WDPCP: variants seen among roughly 807,000 people sequenced by gnomAD.
WDPCP encodes the protein WD repeat-containing and planar cell polarity effector protein fritz homolog.
In WDPCP, 71 loss-of-function variants were observed where a neutral mutation model predicts 93.1. The observed-to-expected ratio is 0.76, with a 90% CI of 0.63 to 0.93. The LOEUF (loss-of-function observed/expected upper bound fraction) is 0.93. WDPCP is among the 40% of genes least tolerant of loss of function. The pLI, the probability that WDPCP is intolerant of heterozygous loss-of-function variation, is 0.00. For synonymous variants in WDPCP, 315 were observed against 315.0 expected, an observed-to-expected ratio of 1.00 and a Z score of 0.00; for missense variants, 844 against 887.4, an observed-to-expected ratio of 0.95 and a Z score of 0.62.
intron 2 of WDPCP, among the ~76,000 whole-genome samples, chr2:63,721,699 G>GCTCCCCCTGCCCCTCCCC (rs1404583047): frequency 8.5e-6 from 1 of 117,700 alleles, no homozygotes; most frequent in East Asian, 2.5e-4. Flanking sequence ...CTGCCCTCCC[G>GCTCCCCCTGCCCCTCCCC]CTCCCCCTGC....
intron 12 of WDPCP, among the ~76,000 whole-genome samples, chr2:63,329,738 C>A (rs568019767): frequency 1.3e-5 from 2 of 152,222 alleles, no homozygotes; most frequent in Admixed American, 6.5e-5. Flanking sequence ...AACATCTCTT[C>A]TTTTCCAGAA....
At chr2:63,627,629 G>A (rs1448981742) in intron 3 of WDPCP, among the ~76,000 whole-genome samples, 1 of 152,204 alleles carries the variant, frequency 6.6e-6, no homozygotes, top group African/African-American at 2.4e-5. Context: ...GAACATTGGA[G>A]AGAAGCAGCT....
intron 2 of WDPCP, among the ~76,000 whole-genome samples, chr2:63,738,414 AC>A (rs575674840): frequency 8.1e-4 from 89 of 109,610 alleles, no homozygotes; most frequent in African/African-American, 2.5e-3. Context: ...TGTTCAGGGG[AC>A]CACCCCCACT....
intron 13 of WDPCP, among the ~76,000 whole-genome samples, chr2:63,265,044 G>T (rs117673248): frequency 1.3e-5 from 2 of 152,224 alleles, no homozygotes; most frequent in East Asian, 3.9e-4. Context: ...CATATAAGAT[G>T]CAGCAAAAGT....
At chr2:63,713,984 C>T (rs558480152) in intron 2 of WDPCP, among the ~76,000 whole-genome samples, 60 of 151,492 alleles carry the variant, frequency 4.0e-4, no homozygotes, top group African/African-American at 1.4e-3. Context: ...TATTTTGGTT[C>T]TGTCTGTTCA....
intron 3 of WDPCP, chr2:63,597,677 C>A: frequency 9.5e-7 from 1 of 1,049,348 alleles, no homozygotes; most frequent in Non-Finnish European, 1.3e-6. Flanking sequence ...TTTTCTAGTT[C>A]TGTACAATCA....
chr2:63,507,460 T>G (rs986517317), intron 1 of WDPCP, among the ~76,000 whole-genome samples: 4 of 151,990 alleles, frequency 2.6e-5, no homozygotes, highest in Non-Finnish European at 4.4e-5. Flanking sequence ...TCTCAAAAAT[T>G]AACAATCATG....
At chr2:63,599,665 T>G (rs1186837490) in intron 3 of WDPCP, 1 of 153,030 alleles carries the variant, frequency 6.5e-6, no homozygotes, top group East Asian at 1.9e-4. Flanking sequence ...GACTTGAGCT[T>G]TGTGTGATTG....
intron 10 of WDPCP, among the ~76,000 whole-genome samples, chr2:63,398,058 G>T (rs568259834): frequency 2.0e-5 from 3 of 152,138 alleles, no homozygotes; most frequent in Admixed American, 6.6e-5. Context: ...TAGTGGTGGC[G>T]CTAGTCTTGG....
intron 14 of WDPCP, among the ~76,000 whole-genome samples, chr2:63,222,298 G>T (rs185917221): frequency 1.2e-4 from 19 of 152,258 alleles, no homozygotes; most frequent in Non-Finnish European, 2.2e-4. Context: ...CAATTCTACT[G>T]TTTAAGTTTA....
At chr2:63,163,361 C>T (rs1559166420) in intron 15 of WDPCP, among the ~76,000 whole-genome samples, 1 of 152,108 alleles carries the variant, frequency 6.6e-6, no homozygotes, top group East Asian at 1.9e-4. Flanking sequence ...AAATTAGACA[C>T]ATTTAATCAT....
At chr2:63,382,856 C>A (rs960818210) in intron 10 of WDPCP, among the ~76,000 whole-genome samples, 3 of 152,138 alleles carry the variant, frequency 2.0e-5, no homozygotes, top group South Asian at 2.1e-4. Flanking sequence ...TAAAACTTTA[C>A]TATTCCTTTT....
intron 2 of WDPCP, among the ~76,000 whole-genome samples, chr2:63,663,043 T>G (rs898339506): frequency 2.6e-5 from 4 of 152,220 alleles, no homozygotes; most frequent in African/African-American, 9.6e-5. Context: ...GCCCTAGCCA[T>G]GTTATGTCAT....
intron 1 of WDPCP, among the ~76,000 whole-genome samples, chr2:63,516,413 T>G (rs1389753967): frequency 3.3e-5 from 5 of 152,170 alleles, no homozygotes; most frequent in Non-Finnish European, 5.9e-5. Flanking sequence ...TCTACCTACT[T>G]TTAAAGTTCT....
intron 3 of WDPCP, among the ~76,000 whole-genome samples, chr2:63,611,952 C>T (rs1709619345): frequency 6.6e-6 from 1 of 152,138 alleles, no homozygotes; most frequent in Non-Finnish European, 1.5e-5. Context: ...TCTTTAAAAC[C>T]ATCCAGTTTT....
At chr2:63,589,242 T>A, upstream of WDPCP, 1 of 1,554,698 alleles carries the variant, frequency 6.4e-7, no homozygotes, top group Non-Finnish European at 8.7e-7. Flanking sequence ...CCTTGCGGGG[T>A]ATGGGGCGCT....
intron 13 of WDPCP, among the ~76,000 whole-genome samples, chr2:63,297,279 AG>A (rs967764424): frequency 1.3e-5 from 2 of 152,174 alleles, no homozygotes; most frequent in African/African-American, 4.8e-5. Context: ...CTGCATTCCA[AG>A]GGGTGGGCTG....
intron 3 of WDPCP, chr2:63,643,582 T>A: frequency 2.3e-6 from 1 of 434,216 alleles, no homozygotes; most frequent in Non-Finnish European, 4.5e-6. Context: ...GTTACTCACC[T>A]TGATGAGGGG....
intron 12 of WDPCP, among the ~76,000 whole-genome samples, chr2:63,373,199 T>C (rs898524408): frequency 9.2e-5 from 14 of 151,918 alleles, no homozygotes; most frequent in African/African-American, 3.4e-4. Flanking sequence ...TTATCTGGTA[T>C]AAACTTTTTT....
Sources: gnomAD v4.1 joint callset for allele counts (sites outside exome capture counted in the v4.1 genomes callset) on GRCh38, gnomAD v4.1.1 for gene constraint, MANE v1.5 for transcripts, NCBI Gene and HGNC (gene_info 2026-07-23, HGNC 2026-07-21) for gene names.